Variants in BEND5 observed in about 807,000 individuals in gnomAD.
The protein encoded by BEND5 is BEN domain containing 5.
BEND5 carries 22 observed loss-of-function variants against 43.9 expected under a neutral mutation model. That is an observed-to-expected ratio of 0.50 (90% CI 0.36 to 0.72). The LOEUF is 0.72. Among genes scored for constraint, BEND5 ranks in the 30% least tolerant of loss-of-function variants. The pLI is 0.00. For missense variants in BEND5, 428 were observed against 550.6 expected (o/e 0.78, Z 2.23); for synonymous variants, 228 against 225.9 (o/e 1.01, Z -0.08).
chr1:48,765,678 A>G (rs1644494814), intron 1 of BEND5, among the ~76,000 whole-genome samples: 1 of 152,256 alleles, frequency 6.6e-6, no homozygotes, highest in Non-Finnish European at 1.5e-5. Context: ...CTGTCCATCA[A>G]CTTATGAATG....
chr1:48,754,122 G>A (rs1423962633), intron 3 of BEND5, among the ~76,000 whole-genome samples: 1 of 152,164 alleles, frequency 6.6e-6, no homozygotes, highest in Non-Finnish European at 1.5e-5. Flanking sequence ...TGTCTAAGTG[G>A]TACTTACAGT....
At chr1:48,752,338 C>T (rs1651872989) in intron 3 of BEND5, among the ~76,000 whole-genome samples, 1 of 152,022 alleles carries the variant, frequency 6.6e-6, no homozygotes, top group African/African-American at 2.4e-5. Context: ...CTAGTGATGT[C>T]TAAAAAAATC....
chr1:48,772,960 C>T (rs1041798561), intron 1 of BEND5, among the ~76,000 whole-genome samples: 1 of 152,144 alleles, frequency 6.6e-6, no homozygotes, highest in Non-Finnish European at 1.5e-5. Context: ...ATACCCATTT[C>T]TTTTCCATCA....
intron 3 of BEND5, 137 bp from the exon 4 acceptor site, chr1:48,742,908 C>A: frequency 1.3e-6 from 1 of 778,986 alleles, no homozygotes; most frequent in Non-Finnish European, 1.9e-6. Context: ...TACACTTAAA[C>A]CCAGACTCGA....
At chr1:48,733,391 G>A (rs1208500556) in intron 5 of BEND5, among the ~76,000 whole-genome samples, 1 of 152,206 alleles carries the variant, frequency 6.6e-6, no homozygotes, top group Non-Finnish European at 1.5e-5. Context: ...ACATAGTTAA[G>A]TCTGTAGGTG....
At chr1:48,749,802 C>A (rs1651378338) in intron 3 of BEND5, among the ~76,000 whole-genome samples, 1 of 152,186 alleles carries the variant, frequency 6.6e-6, no homozygotes, top group Non-Finnish European at 1.5e-5. Context: ...ACTATCTGTG[C>A]CCAGAGAGTA....
chr1:48,771,371 A>G (rs1478324425), intron 1 of BEND5, among the ~76,000 whole-genome samples: 1 of 152,222 alleles, frequency 6.6e-6, no homozygotes. Flanking sequence ...TGTGCTCTTG[A>G]ACAGCAAAAC....
At chr1:48,751,440 G>T (rs188051801) in intron 3 of BEND5, among the ~76,000 whole-genome samples, 1 of 152,320 alleles carries the variant, frequency 6.6e-6, no homozygotes, top group Non-Finnish European at 1.5e-5. Context: ...AGCAAGAGGG[G>T]CCTCAGTTTT....
At position 48,727,887 on chromosome 1, in the gene BEND5, T is replaced by C. The variant is rs774395516; in HGVS notation, c.1265A>G (p.Ter422=). The change falls in exon 6 of 6, where the codon TAA becomes TGA. Residue 422 remains the stop codon, a stop_retained_variant. Coordinates refer to ENST00000371833, the MANE Select transcript of BEND5 (RefSeq NM_024603.4). ...AAAGCTTTATGAAAAATCCAAAGTT[T>C]ATTGCAAATTGTATTTTGCTTCCCT... ...ERREAKYNLQ[*] is the part of the protein sequence containing the mutation. The C allele has an allele frequency of 1.9e-6, 3 of 1,601,822 alleles. No individual in the cohort carries two copies. Among genetic ancestry groups the C allele is most frequent in the Admixed American group, 1.7e-5 (1 of 58,824 alleles).
At chr1:48,739,794 C>T (rs1649631709) in intron 4 of BEND5, among the ~76,000 whole-genome samples, 2 of 152,206 alleles carry the variant, frequency 1.3e-5, no homozygotes, top group South Asian at 2.1e-4. Flanking sequence ...TTCTCTTGTC[C>T]AGGAATAAAT....
chr1:48,776,808 C>G lies in BEND5; in HGVS notation c.24G>C (p.Leu8=). 1 of 1,522,402 alleles carries G rather than the reference C, an allele frequency of 6.6e-7. No homozygotes were observed. Among genetic ancestry groups the G allele is most frequent in the Non-Finnish European group, 8.8e-7 (1 of 1,135,872 alleles). 94.3% of individuals were successfully genotyped at this position (1,522,402 alleles called of 1,614,324 possible). A position where few individuals can be genotyped will look rare whatever the true frequency, so the allele number is the denominator to read the frequency against. MYAFVRF[L]EDNVCYALPV... Reference sequence around the variant, plus strand: ...GCAGCGCGTAGCAGACGTTGTCCTCCAGGAACCGCACAAAGGCGTACATGG... The same window carrying G: ...GCAGCGCGTAGCAGACGTTGTCCTCGAGGAACCGCACAAAGGCGTACATGG... Residue 8 remains leucine (L), a synonymous_variant, in exon 1 of 6, where the codon CTG becomes CTC. Transcript: ENST00000371833.
Position 48,734,599 on chromosome 1 carries a change from G to A in BEND5, c.1108+1640C>T, listed in dbSNP as rs141953835. On this transcript the variant is annotated intron_variant, in intron 5 of 5. Coordinates refer to ENST00000371833, the MANE Select transcript of BEND5 (RefSeq NM_024603.4). ...TCTTCCTTCTACATCCCAGCCATCT[G>A]GGGCTTCTTCACACCCGGAGCATGC... 9.1e-3 allele frequency among the ~76,000 whole-genome samples: 1,384 copies of A among 152,226 alleles called. 27 individuals are homozygous for A. The highest frequency in any genetic ancestry group is 0.032 in the African/African-American group (1,326 of 41,512).
chr1:48,735,075 A>C (rs894365717), intron 5 of BEND5, among the ~76,000 whole-genome samples: 1 of 152,256 alleles, frequency 6.6e-6, no homozygotes, highest in African/African-American at 2.4e-5. Context: ...AATAGTAGCC[A>C]ACAGTAGGGT....
At chr1:48,775,512 C>T (rs1253090391) in intron 1 of BEND5, among the ~76,000 whole-genome samples, 5 of 152,174 alleles carry the variant, frequency 3.3e-5, no homozygotes, top group Admixed American at 2.6e-4. Flanking sequence ...TGGTAGAAGG[C>T]AGGAACACTA....
At chr1:48,745,104 C>T (rs1414167233) in intron 3 of BEND5, among the ~76,000 whole-genome samples, 1 of 152,186 alleles carries the variant, frequency 6.6e-6, no homozygotes, top group African/African-American at 2.4e-5. Flanking sequence ...AAGTTTTACT[C>T]CCTTTAGCAT....
chr1:48,744,942 C>T (rs935836265), intron 3 of BEND5, among the ~76,000 whole-genome samples: 4 of 152,192 alleles, frequency 2.6e-5, no homozygotes, highest in Admixed American at 6.5e-5. Context: ...GTTAGACTTT[C>T]GGACATAGCT....
chr1:48,751,935 A>AG (rs1383137696), intron 3 of BEND5, among the ~76,000 whole-genome samples: 3 of 152,188 alleles, frequency 2.0e-5, no homozygotes, highest in African/African-American at 4.8e-5. Flanking sequence ...AACTGTGGCT[A>AG]CTTCTGATTT....
chr1:48,754,604 T>A (rs933492352), intron 3 of BEND5, among the ~76,000 whole-genome samples: 6 of 152,168 alleles, frequency 3.9e-5, no homozygotes, highest in African/African-American at 9.7e-5. Flanking sequence ...GACTGGCATT[T>A]ATTGAACACT....
At chr1:48,761,611 G>T in intron 1 of BEND5, 141 bp from the exon 2 acceptor site, 1 of 846,354 alleles carries the variant, frequency 1.2e-6, no homozygotes, top group Non-Finnish European at 1.8e-6. Flanking sequence ...CTCAAGGCTG[G>T]TTCCCTCTTG....
Sources: gnomAD v4.1 joint callset for allele counts (sites outside exome capture counted in the v4.1 genomes callset) on GRCh38, gnomAD v4.1.1 for gene constraint, MANE v1.5 for transcripts, NCBI Gene and HGNC (gene_info 2026-07-23, HGNC 2026-07-21) for gene names.